The following TMTC1 variants were observed in gnomAD, a reference collection of about 807,000 sequenced individuals.
TMTC1 encodes the protein transmembrane O-mannosyltransferase targeting cadherins 1, also known as protein O-mannosyl-transferase TMTC1.
Under a neutral mutation model 104.8 loss-of-function variants are expected in TMTC1, and 73 were observed. The observed-to-expected ratio is 0.70, with a 90% CI of 0.58 to 0.85. TMTC1 has a LOEUF of 0.85. Ranked by LOEUF, TMTC1 falls within the 40% of genes least tolerant of loss-of-function variation. TMTC1 has a pLI of 0.00. For synonymous variants in TMTC1, 434 were observed against 428.7 expected (o/e 1.01, Z -0.15); for missense variants, 1,035 against 1,096.1 (o/e 0.94, Z 0.79).
At chr12:29,725,034 T>G (rs1942346939) in intron 5 of TMTC1, among the ~76,000 whole-genome samples, 1 of 142,874 alleles carries the variant, frequency 7.0e-6, no homozygotes, top group Admixed American at 7.1e-5. Context: ...TTTTTTTTTT[T>G]TTTTGAGATG....
At chr12:29,548,966 ATAAATTAAATATATAAAT>A (rs1245406763) in intron 10 of TMTC1, among the ~76,000 whole-genome samples, 4 of 145,252 alleles carry the variant, frequency 2.8e-5, no homozygotes, top group Admixed American at 7.0e-5. Context: ...ACATATTTAA[ATAAATTAAATATATAAAT>A]TAAATTAAAT....
At chr12:29,673,414 C>A (rs76166615) in intron 5 of TMTC1, among the ~76,000 whole-genome samples, 6,096 of 152,142 alleles carry the variant, frequency 0.04, 178 homozygotes, top group South Asian at 0.17. Context: ...AATCAGAAAT[C>A]CATAATAATT....
At position 29,693,691 on chromosome 12, in the gene TMTC1, A is replaced by G. The variant is rs184778898; in HGVS notation, c.938+57975T>C. 1.2e-3 allele frequency among the ~76,000 whole-genome samples: 181 copies of G among 152,354 alleles called. 2 individuals carry two copies. Among genetic ancestry groups the G allele is most frequent in the African/African-American group, 4.2e-3 (173 of 41,582 alleles). ...TTATACCTCAATAAGGCTTAAAAATAAAGCACTCTACTAGTATCATTTTTT... is the reference window on the plus strand; with the variant it reads ...TTATACCTCAATAAGGCTTAAAAATGAAGCACTCTACTAGTATCATTTTTT... On this transcript the variant is annotated intron_variant, in intron 5 of 17. Transcript: ENST00000539277.
At chr12:29,668,742 T>C (rs1214296677) in intron 5 of TMTC1, among the ~76,000 whole-genome samples, 2 of 152,242 alleles carry the variant, frequency 1.3e-5, no homozygotes, top group Admixed American at 1.3e-4. Flanking sequence ...ATTACAGGCA[T>C]GAGCCACTGC....
intron 9 of TMTC1, among the ~76,000 whole-genome samples, chr12:29,561,450 C>T (rs1480882386): frequency 6.6e-6 from 1 of 152,100 alleles, no homozygotes; most frequent in African/African-American, 2.4e-5. Flanking sequence ...ATCTTCACTG[C>T]AAAAATTTGT....
chr12:29,566,102 T>C (rs911262742), intron 9 of TMTC1, among the ~76,000 whole-genome samples: 1 of 151,898 alleles, frequency 6.6e-6, no homozygotes, highest in Non-Finnish European at 1.5e-5. Flanking sequence ...TGGTGGTGCT[T>C]GTGGTCTTCA....
At chr12:29,640,975 C>T (rs11834417) in intron 5 of TMTC1, 34,623 of 152,022 alleles carry the variant, frequency 0.23, 4,006 homozygotes, top group Middle Eastern at 0.28. Flanking sequence ...CGGCTTTCCC[C>T]GGCTTCCCTG....
At chr12:29,558,703 T>C (rs1945306734) in intron 9 of TMTC1, among the ~76,000 whole-genome samples, 1 of 152,146 alleles carries the variant, frequency 6.6e-6, no homozygotes. Context: ...ACACGCGCTG[T>C]TGTTTGCTTC....
intron 5 of TMTC1, among the ~76,000 whole-genome samples, chr12:29,668,504 A>G (rs1372635396): frequency 8.2e-6 from 1 of 122,524 alleles, no homozygotes; most frequent in Admixed American, 1.1e-4. Context: ...TCTGTCACCC[A>G]GGCTGGAGTG....
chr12:29,774,704 C>T (rs923412322), intron 1 of TMTC1, among the ~76,000 whole-genome samples: 2 of 152,190 alleles, frequency 1.3e-5, no homozygotes, highest in Non-Finnish European at 2.9e-5. Context: ...ACATCTGGTT[C>T]TTCTCATTTC....
intron 5 of TMTC1, among the ~76,000 whole-genome samples, chr12:29,669,649 T>A (rs945429023): frequency 2.0e-5 from 3 of 152,250 alleles, no homozygotes; most frequent in African/African-American, 7.2e-5. Context: ...TTACGTTTAC[T>A]TAGCAGTATG....
intron 5 of TMTC1, among the ~76,000 whole-genome samples, chr12:29,743,666 A>G (rs1184222781): frequency 6.6e-6 from 1 of 152,210 alleles, no homozygotes. Flanking sequence ...TCACAATGAT[A>G]TATTACCTAG....
Position 29,633,265 on chromosome 12 carries a change from T to G in TMTC1, c.1010A>C (p.Asp337Ala), listed in dbSNP as rs1318766318. 6.2e-7 allele frequency: 1 copy of G among 1,613,950 alleles called. No homozygotes were observed. Residue 337 changes from aspartate to alanine, a missense_variant, in exon 6 of 18, where the codon GAC becomes GCC. By Grantham distance (126) the Asp-to-Ala change is moderately radical (BLOSUM62 -2). Coordinates refer to ENST00000539277, the MANE Select transcript of TMTC1 (RefSeq NM_001193451.2). ...LLLAPVTLCY[D>A]WQVGSIPLVE... ...CAGAGGAATACTGCCGACCTGCCAG[T>G]CATAGCACAGGGTCACGGGTGCAAG...
At chr12:29,712,069 A>T (rs10771572) in intron 5 of TMTC1, among the ~76,000 whole-genome samples, 1 of 148,944 alleles carries the variant, frequency 6.7e-6, no homozygotes. Context: ...ATCTTTGGGA[A>T]GCTCTTCATC....
intron 5 of TMTC1, chr12:29,661,325 A>C (rs751799468): frequency 1.1e-4 from 110 of 973,434 alleles, no homozygotes; most frequent in Non-Finnish European, 1.3e-4. Flanking sequence ...TACTTAATAT[A>C]ATTTGAAGGC....
At chr12:29,754,865 T>A (rs993225356) in intron 4 of TMTC1, among the ~76,000 whole-genome samples, 1 of 152,200 alleles carries the variant, frequency 6.6e-6, no homozygotes, top group East Asian at 1.9e-4. Flanking sequence ...CTTATCTTTA[T>A]GTCAAGAAGT....
At chr12:29,658,791 T>A (rs1240309183) in intron 5 of TMTC1, 2 of 167,512 alleles carry the variant, frequency 1.2e-5, no homozygotes, top group Non-Finnish European at 2.7e-5. Flanking sequence ...TTTCTTTGTG[T>A]TCCTCATCAT....
Position 29,652,956 on chromosome 12 carries a change from G to A in TMTC1, c.939-19620C>T, listed in dbSNP as rs12227114. Among the ~76,000 whole-genome samples the A allele has an allele frequency of 2.6e-5, 4 of 152,084 alleles. No individual in the cohort carries two copies. In the East Asian group the frequency reaches 7.7e-4, roughly 29 times the overall value. ...ATACGCCTGTAATCCCAGCTATTCA[G>A]GAGGCTGAGACAGGAGAATTGCTTG... On this transcript the variant is annotated intron_variant, in intron 5 of 17. Coordinates refer to ENST00000539277, the MANE Select transcript of TMTC1 (RefSeq NM_001193451.2).
chr12:29,523,039 C>T (rs1339309627), intron 11 of TMTC1, among the ~76,000 whole-genome samples: 1 of 152,054 alleles, frequency 6.6e-6, no homozygotes, highest in African/African-American at 2.4e-5. Context: ...ATTGGGGAGC[C>T]CTGAATAAAA....
Sources: gnomAD v4.1 joint callset for allele counts (sites outside exome capture counted in the v4.1 genomes callset) on GRCh38, gnomAD v4.1.1 for gene constraint, MANE v1.5 for transcripts, NCBI Gene and HGNC (gene_info 2026-07-23, HGNC 2026-07-21) for gene names.